The following KCNIP4 variants were observed in gnomAD, a reference collection of about 807,000 sequenced individuals.
KCNIP4 encodes Kv channel-interacting protein 4.
A neutral mutation model predicts 34.0 loss-of-function variants in KCNIP4; 12 were observed. The ratio of observed to expected loss-of-function variants is 0.35; its 90% CI spans 0.23 to 0.57. The LOEUF (loss-of-function observed/expected upper bound fraction) is 0.57. Ranked by LOEUF, KCNIP4 falls within the 20% of genes least tolerant of loss-of-function variation. The probability of loss-of-function intolerance (pLI) is 0.83; values close to 1 mark genes in which losing one functional copy is unlikely to be tolerated. For synonymous variants in KCNIP4, 124 were observed against 102.2 expected (o/e 1.21, Z -1.29); for missense variants, 238 against 311.7 (o/e 0.76, Z 1.78).
intron 1 of KCNIP4, among the ~76,000 whole-genome samples, chr4:21,220,448 T>G (rs7657718): frequency 0.47 from 71,277 of 151,734 alleles, 18,003 homozygotes; most frequent in African/African-American, 0.67. Flanking sequence ...TTAGGAGATA[T>G]ACCTAATGTA....
In KCNIP4 at chr4:21,870,180, G is replaced by A. The variant is rs114496251; in HGVS notation, c.61+78391C>T. ...TTTTGCAAGGTAAAGAGTTTGCAAG[G>A]TAAACTCTTTTGCATTCCTATACGA... On this transcript the variant is annotated intron_variant, in intron 1 of 8. Coordinates refer to ENST00000382152, the MANE Select transcript of KCNIP4 (RefSeq NM_025221.6). Among the ~76,000 whole-genome samples the A allele has an allele frequency of 5.7e-3, 873 of 152,246 alleles. 6 individuals carry two copies. Among genetic ancestry groups the A allele is most frequent in the Middle Eastern group, 0.01 (3 of 292 alleles).
intron 3 of KCNIP4, among the ~76,000 whole-genome samples, chr4:20,764,965 C>T (rs1755270887): frequency 6.6e-6 from 1 of 152,122 alleles, no homozygotes; most frequent in Non-Finnish European, 1.5e-5. Flanking sequence ...TTCATCAACC[C>T]TGAAAGGTGG....
At chr4:21,406,496 A>G (rs1577314117) in intron 1 of KCNIP4, among the ~76,000 whole-genome samples, 1 of 152,210 alleles carries the variant, frequency 6.6e-6, no homozygotes, top group Non-Finnish European at 1.5e-5. Context: ...TTAGTAATAT[A>G]CATAATGAAG....
intron 1 of KCNIP4, among the ~76,000 whole-genome samples, chr4:21,605,100 G>A (rs540348484): frequency 6.6e-6 from 1 of 152,254 alleles, no homozygotes; most frequent in East Asian, 1.9e-4. Flanking sequence ...TGTGGTCCAC[G>A]TTGAAATGAG....
chr4:21,310,779 G>A (rs1578060738), intron 1 of KCNIP4, among the ~76,000 whole-genome samples: 4 of 152,072 alleles, frequency 2.6e-5, no homozygotes, highest in East Asian at 1.9e-4. Context: ...CTACAGGCAC[G>A]TGCACGACGT....
intron 1 of KCNIP4, among the ~76,000 whole-genome samples, chr4:21,528,731 GAAA>G (rs1736266182): frequency 0.043 from 133 of 3,094 alleles, 9 homozygotes; most frequent in Middle Eastern, 0.25. Context: ...AAGAAAGAAA[GAAA>G]GAAAGAAAGA....
intron 3 of KCNIP4, among the ~76,000 whole-genome samples, chr4:20,805,626 T>G (rs1166799260): frequency 1.3e-5 from 2 of 152,122 alleles, no homozygotes; most frequent in Admixed American, 1.3e-4. Flanking sequence ...TTGGAGAAAT[T>G]TTTTCCTTCA....
intron 1 of KCNIP4, among the ~76,000 whole-genome samples, chr4:21,214,026 A>T (rs1172181310): frequency 6.6e-6 from 1 of 152,178 alleles, no homozygotes. Context: ...GGTGCAATTG[A>T]TATATCCTCT....
intron 1 of KCNIP4, among the ~76,000 whole-genome samples, chr4:21,812,641 T>C (rs1354329357): frequency 1.3e-5 from 2 of 152,132 alleles, no homozygotes; most frequent in Non-Finnish European, 2.9e-5. Flanking sequence ...AAAAAATAAG[T>C]CAATTTCTTT....
At chr4:20,853,736 C>T (rs1721281337) in intron 2 of KCNIP4, among the ~76,000 whole-genome samples, 1 of 152,150 alleles carries the variant, frequency 6.6e-6, no homozygotes, top group South Asian at 2.1e-4. Flanking sequence ...AGAAAATCTT[C>T]ATAATCTATA....
intron 1 of KCNIP4, among the ~76,000 whole-genome samples, chr4:21,173,611 G>A (rs1237958511): frequency 6.6e-6 from 1 of 152,130 alleles, no homozygotes; most frequent in Admixed American, 6.5e-5. Context: ...TTCCACGGAG[G>A]AGGAAACTGA....
chr4:21,131,513 G>A (rs1459739374), intron 1 of KCNIP4, among the ~76,000 whole-genome samples: 1 of 152,170 alleles, frequency 6.6e-6, no homozygotes, highest in Non-Finnish European at 1.5e-5. Flanking sequence ...AGGAGATTGA[G>A]GCAGGAGAAC....
chr4:20,797,188 T>C (rs772655284), intron 3 of KCNIP4, among the ~76,000 whole-genome samples: 8 of 152,232 alleles, frequency 5.3e-5, no homozygotes, highest in Admixed American at 1.3e-4. Flanking sequence ...GGTAATAGGA[T>C]TTTTCTATCT....
intron 1 of KCNIP4, among the ~76,000 whole-genome samples, chr4:21,090,733 T>C (rs1232526920): frequency 2.6e-5 from 4 of 152,214 alleles, no homozygotes; most frequent in Non-Finnish European, 5.9e-5. Context: ...GACCTCAATA[T>C]CATTTGTTAT....
chr4:20,993,783 T>C (rs937935064), intron 1 of KCNIP4, among the ~76,000 whole-genome samples: 2 of 152,214 alleles, frequency 1.3e-5, no homozygotes, highest in Non-Finnish European at 2.9e-5. Context: ...CTGACACAAA[T>C]TTATTATGTT....
At chr4:21,257,497 C>T (rs1265243989) in intron 1 of KCNIP4, among the ~76,000 whole-genome samples, 1 of 151,974 alleles carries the variant, frequency 6.6e-6, no homozygotes, top group Non-Finnish European at 1.5e-5. Context: ...CCTGTAATCC[C>T]GGCACTTTGG....
At chr4:21,645,698 C>A (rs1746960609) in intron 1 of KCNIP4, among the ~76,000 whole-genome samples, 1 of 152,114 alleles carries the variant, frequency 6.6e-6, no homozygotes, top group Non-Finnish European at 1.5e-5. Context: ...AAGCCCCAAA[C>A]CTATACTCCA....
At chr4:21,613,202 C>T (rs12647718) in intron 1 of KCNIP4, 28,955 of 152,134 alleles carry the variant, frequency 0.19, 3,487 homozygotes, top group East Asian at 0.49. Context: ...CCTTGGACAG[C>T]CTACTACCAC....
intron 1 of KCNIP4, among the ~76,000 whole-genome samples, chr4:21,273,601 C>CATTTCCTCAATTCTCATAGA (rs1762279431): frequency 1.3e-5 from 2 of 152,176 alleles, no homozygotes; most frequent in African/African-American, 4.8e-5. Flanking sequence ...TTATTCATAA[C>CATTTCCTCAATTCTCATAGA]ATTTCCTCAA....
Sources: allele counts gnomAD v4.1 joint callset (sites outside exome capture counted in the v4.1 genomes callset), GRCh38; gene constraint gnomAD v4.1.1; transcripts MANE v1.5; gene names NCBI Gene and HGNC (gene_info 2026-07-23, HGNC 2026-07-21).